SPSB1: variants seen among roughly 807,000 people sequenced by gnomAD.
SPSB1 encodes the protein splA/ryanodine receptor domain and SOCS box containing 1.
In SPSB1, 8 loss-of-function variants were observed where a neutral mutation model predicts 21.2. That is an observed-to-expected ratio of 0.38 (90% CI 0.22 to 0.68). SPSB1 has a LOEUF of 0.68. SPSB1 is among the 30% of genes least tolerant of loss of function. SPSB1 has a pLI of 0.53. For missense variants in SPSB1, 242 were observed against 377.8 expected (o/e 0.64, Z 2.98); for synonymous variants, 169 against 161.7 (o/e 1.05, Z -0.34).
At chr1:9,364,057 G>A in intron 2 of SPSB1, among the ~76,000 whole-genome samples, 1 of 152,248 alleles carries the variant, frequency 6.6e-6, no homozygotes, top group East Asian at 1.9e-4. Context: ...GGTAGTGACT[G>A]AACTCCCTCT....
At chr1:9,315,288 A>G (rs1409805597) in intron 1 of SPSB1, among the ~76,000 whole-genome samples, 1 of 152,242 alleles carries the variant, frequency 6.6e-6, no homozygotes, top group Non-Finnish European at 1.5e-5. Context: ...ACTGGCTCCA[A>G]GGGACACAGC....
chr1:9,299,053 G>T (rs1205443570), intron 1 of SPSB1, among the ~76,000 whole-genome samples: 1 of 152,242 alleles, frequency 6.6e-6, no homozygotes, highest in Non-Finnish European at 1.5e-5. Context: ...CTCCGATTTG[G>T]CCTGTGCAGA....
At chr1:9,365,100 G>A (rs987791357) in intron 2 of SPSB1, among the ~76,000 whole-genome samples, 14 of 152,140 alleles carry the variant, frequency 9.2e-5, no homozygotes, top group Admixed American at 3.3e-4. Context: ...CAGGTAATGC[G>A]CCGGCCTCGG....
chr1:9,310,366 G>A (rs961284718), intron 1 of SPSB1, among the ~76,000 whole-genome samples: 1 of 152,188 alleles, frequency 6.6e-6, no homozygotes, highest in Non-Finnish European at 1.5e-5. Context: ...CGCCTTCCTG[G>A]ATTTCTAAGG....
At chr1:9,334,888 A>G (rs1382929579) in intron 1 of SPSB1, among the ~76,000 whole-genome samples, 1 of 152,228 alleles carries the variant, frequency 6.6e-6, no homozygotes, top group Non-Finnish European at 1.5e-5. Context: ...TTCCGTGTTA[A>G]GGCTGAGTAA....
At chr1:9,362,770 G>A (rs890327978) in intron 2 of SPSB1, among the ~76,000 whole-genome samples, 2 of 152,248 alleles carry the variant, frequency 1.3e-5, no homozygotes, top group African/African-American at 2.4e-5. Context: ...TCACAGAAAT[G>A]TGGAAGCTGG....
intron 1 of SPSB1, among the ~76,000 whole-genome samples, chr1:9,303,568 C>G (rs1230475018): frequency 6.6e-6 from 1 of 152,180 alleles, no homozygotes; most frequent in African/African-American, 2.4e-5. Flanking sequence ...GAGTCTATAG[C>G]AGTATTTAAG....
Position 9,355,751 on chromosome 1 carries a change from G to C in SPSB1, c.-141G>C, listed in dbSNP as rs111726806. ...GTCTTTCCGTCCATTAGGCAATACT[G>C]AACACTGCGCAGCTTGCAGAGGTCT... On this transcript the variant is annotated 5_prime_UTR_variant, in exon 2 of 3. Transcript: ENST00000328089. 4 of 1,454,494 alleles carry C rather than the reference G, an allele frequency of 2.8e-6. No individual in the cohort carries two copies. In the African/African-American group the frequency reaches 5.7e-5, roughly 21 times the overall value. 90.1% of individuals were successfully genotyped at this position (1,454,494 alleles called of 1,614,324 possible). A position where few individuals can be genotyped will look rare whatever the true frequency, so the allele number is the denominator to read the frequency against.
intron 1 of SPSB1, among the ~76,000 whole-genome samples, chr1:9,325,675 G>A (rs1037902921): frequency 6.6e-6 from 1 of 152,190 alleles, no homozygotes; most frequent in Non-Finnish European, 1.5e-5. Flanking sequence ...TGTTCTCACA[G>A]GGGACGGGTC....
rs1391393083 is a variant in SPSB1, at chr1:9,367,416, T to G, written c.695-32T>G. ...CTGTTTGCTGAACACCCACCCAAGC[T>G]GCGCTGACCTGCAGTTTCTCTGTCT... On this transcript the variant is annotated intron_variant, in intron 2 of 2. Coordinates refer to ENST00000328089, the MANE Select transcript of SPSB1 (RefSeq NM_025106.4). The surrounding 1 kb of genome is among the most constrained non-coding windows in gnomAD (Gnocchi z 5.9). 1.9e-6 allele frequency: 3 copies of G among 1,612,692 alleles called. No homozygotes were observed. The African/African-American group carries it at 4.0e-5, about 22-fold the overall frequency.
At chr1:9,338,796 G>T (rs991386392) in intron 1 of SPSB1, among the ~76,000 whole-genome samples, 1 of 152,304 alleles carries the variant, frequency 6.6e-6, no homozygotes, top group South Asian at 2.1e-4. Context: ...TTCTGCCTTC[G>T]CCCCAGCTTC....
At chr1:9,333,744 A>G (rs897982885) in intron 1 of SPSB1, among the ~76,000 whole-genome samples, 2 of 152,058 alleles carry the variant, frequency 1.3e-5, no homozygotes, top group East Asian at 1.9e-4. Context: ...TTTTATTCCA[A>G]CGGAAAGGAA....
chr1:9,308,982 G>A (rs1639468459), intron 1 of SPSB1, among the ~76,000 whole-genome samples: 1 of 152,094 alleles, frequency 6.6e-6, no homozygotes, highest in South Asian at 2.1e-4. Context: ...GGCTGGGCGG[G>A]CACCAGGCCT....
chr1:9,327,272 T>C (rs992473080), intron 1 of SPSB1, among the ~76,000 whole-genome samples: 3 of 152,230 alleles, frequency 2.0e-5, no homozygotes, highest in Non-Finnish European at 4.4e-5. Flanking sequence ...ATTTTTGGGA[T>C]GTGTGTTTCA....
At chr1:9,304,892 C>T (rs1639387560) in intron 1 of SPSB1, among the ~76,000 whole-genome samples, 1 of 152,094 alleles carries the variant, frequency 6.6e-6, no homozygotes, top group African/African-American at 2.4e-5. Context: ...AGGCTGGTCT[C>T]GAACTCCTGG....
At position 9,292,930 on chromosome 1, in the gene SPSB1, A is replaced by C. The variant is rs1216865619; in HGVS notation, c.-291A>C. On this transcript the variant is annotated 5_prime_UTR_variant, in exon 1 of 3. Transcript: ENST00000328089. ...GCGCTCGGGCAGCCTGCGCGCTCGC[A>C]GCAGGAACCAGGCTCCAGGCGCCGG... The C allele has an allele frequency of 1.0e-6, 1 of 954,242 alleles. No individual in the cohort carries two copies. Among genetic ancestry groups the C allele is most frequent in the African/African-American group, 2.1e-5 (1 of 47,434 alleles). The allele number at this position is 954,242 out of a possible 1,614,324, so 59.1% of individuals were successfully genotyped here.
Position 9,367,682 on chromosome 1 carries a change from T to G in SPSB1, c.*107T>G, listed in dbSNP as rs141989891. The G allele has an allele frequency of 3.5e-6, 5 of 1,442,776 alleles. No individual in the cohort carries two copies. In the African/African-American group the frequency reaches 4.3e-5, roughly 12 times the overall value. 89.4% of individuals were successfully genotyped at this position (1,442,776 alleles called of 1,614,324 possible). A position where few individuals can be genotyped will look rare whatever the true frequency, so the allele number is the denominator to read the frequency against. On this transcript the variant is annotated 3_prime_UTR_variant, in exon 3 of 3. Transcript: ENST00000328089. The surrounding 1 kb of genome is among the most constrained non-coding windows in gnomAD (Gnocchi z 5.9). ...CACCTTGGACCGGCATCCGTAGCCA[T>G]GGACAGAGGTCCCTGGTCTTCCCTC... is the stretch of plus-strand genomic sequence containing the variant.
chr1:9,324,303 A>G lies in SPSB1; in HGVS notation c.-150+31232A>G, dbSNP rs1240589377. On this transcript the variant is annotated intron_variant, in intron 1 of 2. Coordinates refer to ENST00000328089, the MANE Select transcript of SPSB1 (RefSeq NM_025106.4). The surrounding 1 kb of genome is among the most constrained non-coding windows in gnomAD (Gnocchi z 4.3). ...TCACAGCTCTTCATGGCATCGATGA[A>G]TCGTGTCCCGATTAGCTGTTGGTGG... is the stretch of plus-strand genomic sequence containing the variant. Among the ~76,000 whole-genome samples, 2 of 152,080 alleles carry G rather than the reference A, an allele frequency of 1.3e-5. No homozygotes were observed. Among genetic ancestry groups the G allele is most frequent in the African/African-American group, 4.8e-5 (2 of 41,416 alleles).
At chr1:9,311,352 C>T (rs1235026114) in intron 1 of SPSB1, among the ~76,000 whole-genome samples, 2 of 152,042 alleles carry the variant, frequency 1.3e-5, no homozygotes, top group African/African-American at 4.8e-5. Context: ...CTCGGCGTGG[C>T]TGAGGTTTTG....
Sources: gnomAD v4.1 joint callset for allele counts (sites outside exome capture counted in the v4.1 genomes callset) on GRCh38, gnomAD v4.1.1 for gene constraint, Gnocchi (gnomAD v3.1) non-coding constraint, MANE v1.5 for transcripts, NCBI Gene and HGNC (gene_info 2026-07-23, HGNC 2026-07-21) for gene names.